The following MAP7 variants were observed in gnomAD, a reference collection of about 807,000 sequenced individuals.
The protein encoded by MAP7 is ensconsin.
Under a neutral mutation model 94.8 loss-of-function variants are expected in MAP7, and 52 were observed. The observed-to-expected ratio is 0.55, with a 90% CI of 0.44 to 0.69. The LOEUF (loss-of-function observed/expected upper bound fraction) is 0.69. MAP7 is among the 30% of genes least tolerant of loss of function. MAP7 has a pLI of 0.00. For missense variants in MAP7, 940 were observed against 964.6 expected, an observed-to-expected ratio of 0.97 and a Z score of 0.34; for synonymous variants, 350 against 357.0, an observed-to-expected ratio of 0.98 and a Z score of 0.22.
At chr6:136,374,491 G>T (rs959698311) in intron 7 of MAP7, among the ~76,000 whole-genome samples, 2 of 152,160 alleles carry the variant, frequency 1.3e-5, no homozygotes, top group Non-Finnish European at 2.9e-5. Flanking sequence ...CCTTGCTCAA[G>T]GATCAAGAAA....
chr6:136,528,499 G>T (rs1464047187), intron 1 of MAP7, among the ~76,000 whole-genome samples: 1 of 152,102 alleles, frequency 6.6e-6, no homozygotes, highest in Non-Finnish European at 1.5e-5. Context: ...CTTCAAGAGA[G>T]TCAGGTCAGT....
At chr6:136,401,574 T>C (rs1313561533) in intron 3 of MAP7, among the ~76,000 whole-genome samples, 1 of 152,060 alleles carries the variant, frequency 6.6e-6, no homozygotes, top group Non-Finnish European at 1.5e-5. Flanking sequence ...AGGTGGGAAC[T>C]GAACAATGAG....
intron 2 of MAP7, among the ~76,000 whole-genome samples, chr6:136,421,173 T>C (rs1160166591): frequency 6.6e-6 from 1 of 152,224 alleles, no homozygotes; most frequent in African/African-American, 2.4e-5. Flanking sequence ...GGTTATTAAA[T>C]GAAATTACTC....
intron 7 of MAP7, among the ~76,000 whole-genome samples, chr6:136,376,549 A>AC (rs1776229716): frequency 6.6e-6 from 1 of 152,226 alleles, no homozygotes; most frequent in African/African-American, 2.4e-5. Context: ...GATGGCTCTG[A>AC]CAGGAGTGTG....
intron 3 of MAP7, among the ~76,000 whole-genome samples, chr6:136,394,210 C>T (rs1231363573): frequency 1.3e-5 from 2 of 152,010 alleles, no homozygotes; most frequent in Non-Finnish European, 2.9e-5. Context: ...GTCTCGATCT[C>T]CTGACCTCGT....
chr6:136,516,685 C>G (rs1824949197), intron 1 of MAP7, among the ~76,000 whole-genome samples: 1 of 152,140 alleles, frequency 6.6e-6, no homozygotes, highest in Admixed American at 6.5e-5. Context: ...GCACTTACTT[C>G]TGAGTGACTA....
intron 4 of MAP7, 125 bp from the exon 5 acceptor site, chr6:136,388,635 T>A: frequency 1.4e-6 from 1 of 728,638 alleles, no homozygotes; most frequent in Non-Finnish European, 2.4e-6. Context: ...GATCTCTAGC[T>A]GAACTTCTAT....
Position 136,505,275 on chromosome 6 carries a change from GTGTATATATATATA to G in MAP7, c.67+45053_67+45066del, listed in dbSNP as rs1165039009. ...AATGTGTGTGTGTGTGTGTGTGTGT[GTGTATATATATATA>G]TATATATATATATATATATATATAG... On this transcript the variant is annotated intron_variant, in intron 1 of 17. Coordinates refer to ENST00000354570, the MANE Select transcript of MAP7 (RefSeq NM_003980.6). Among the ~76,000 whole-genome samples the G allele has an allele frequency of 4.8e-3, 330 of 69,172 alleles. 6 individuals are homozygous for G. Among genetic ancestry groups the G allele is most frequent in the African/African-American group, 0.019 (317 of 16,980 alleles). The allele number at this position is 69,172 out of a possible 152,430, so 45.4% of individuals were successfully genotyped here. A position where few individuals can be genotyped will look rare whatever the true frequency, so the allele number is the denominator to read the frequency against.
At chr6:136,520,400 T>C (rs1474901570) in intron 1 of MAP7, among the ~76,000 whole-genome samples, 1 of 152,216 alleles carries the variant, frequency 6.6e-6, no homozygotes, top group Non-Finnish European at 1.5e-5. Flanking sequence ...AGAATTTCTA[T>C]ATTATGAAGA....
chr6:136,458,814 G>C (rs540152914), intron 1 of MAP7, among the ~76,000 whole-genome samples: 32 of 152,172 alleles, frequency 2.1e-4, no homozygotes, highest in African/African-American at 7.0e-4. Context: ...TAGAAAAAAA[G>C]ATAGGGAGAA....
chr6:136,409,611 A>G (rs1355378646), intron 3 of MAP7, among the ~76,000 whole-genome samples: 4 of 152,208 alleles, frequency 2.6e-5, no homozygotes, highest in Non-Finnish European at 5.9e-5. Flanking sequence ...TCCCTTTGAA[A>G]GGCTCCTTTC....
At chr6:136,448,635 G>A (rs1800090558) in intron 1 of MAP7, among the ~76,000 whole-genome samples, 1 of 151,802 alleles carries the variant, frequency 6.6e-6, no homozygotes, top group African/African-American at 2.4e-5. Flanking sequence ...GGATGGTCTC[G>A]ATCTCCTGAT....
At chr6:136,370,504 C>T (rs1185425387) in intron 8 of MAP7, among the ~76,000 whole-genome samples, 1 of 152,110 alleles carries the variant, frequency 6.6e-6, no homozygotes, top group Non-Finnish European at 1.5e-5. Context: ...GTGAAAGCAA[C>T]CCAAATGTTC....
At chr6:136,462,221 AT>A in intron 1 of MAP7, among the ~76,000 whole-genome samples, 1 of 152,170 alleles carries the variant, frequency 6.6e-6, no homozygotes, top group East Asian at 1.9e-4. Context: ...CAGTACAAAA[AT>A]TTCAGTTCAG....
intron 1 of MAP7, among the ~76,000 whole-genome samples, chr6:136,459,276 T>C (rs543737935): frequency 2.6e-5 from 4 of 152,198 alleles, no homozygotes; most frequent in East Asian, 1.9e-4. Flanking sequence ...GGTGAGGATA[T>C]GGAGGAACTG....
intron 1 of MAP7, among the ~76,000 whole-genome samples, chr6:136,437,190 G>A (rs1796601275): frequency 6.6e-6 from 1 of 152,198 alleles, no homozygotes; most frequent in African/African-American, 2.4e-5. Flanking sequence ...GCCAGGAAGT[G>A]TTCTTCCACC....
At chr6:136,428,635 A>G (rs1222354029) in intron 1 of MAP7, among the ~76,000 whole-genome samples, 1 of 152,252 alleles carries the variant, frequency 6.6e-6, no homozygotes, top group Non-Finnish European at 1.5e-5. Flanking sequence ...AGATAATTCT[A>G]TCAAAATAGG....
At chr6:136,499,215 C>T (rs529149186) in intron 1 of MAP7, among the ~76,000 whole-genome samples, 8 of 152,196 alleles carry the variant, frequency 5.3e-5, no homozygotes, top group African/African-American at 1.2e-4. Flanking sequence ...CCATCCTGTC[C>T]GGCCTGAGAT....
chr6:136,408,496 T>C (rs1046955697), intron 3 of MAP7, among the ~76,000 whole-genome samples: 4 of 152,190 alleles, frequency 2.6e-5, no homozygotes, highest in Admixed American at 6.5e-5. Context: ...TCTCCCTCTC[T>C]CTACCTTGCT....
Sources: gnomAD v4.1 joint callset for allele counts (sites outside exome capture counted in the v4.1 genomes callset) on GRCh38, gnomAD v4.1.1 for gene constraint, MANE v1.5 for transcripts, NCBI Gene and HGNC (gene_info 2026-07-23, HGNC 2026-07-21) for gene names.